COBL: variants seen among roughly 807,000 people sequenced by gnomAD.
The protein encoded by COBL is protein cordon-bleu.
In COBL, 51 loss-of-function variants were observed where a neutral mutation model predicts 98.8. The observed-to-expected ratio is 0.52, with a 90% confidence interval of 0.41 to 0.65. The LOEUF (loss-of-function observed/expected upper bound fraction) is 0.65, where lower values mean the gene tolerates loss of function less well. Among genes scored for constraint, COBL ranks in the 30% least tolerant of loss-of-function variants. The pLI is 0.00. For missense variants in COBL, 1,617 were observed against 1,617.5 expected (o/e 1.00, Z 0.01); for synonymous variants, 634 against 651.7 (o/e 0.97, Z 0.41).
chr7:51,149,014 G>A (rs1216335428), intron 5 of COBL, among the ~76,000 whole-genome samples: 2 of 152,298 alleles, frequency 1.3e-5, no homozygotes, highest in East Asian at 3.9e-4. Context: ...TTTCTGGGTG[G>A]TGTGGTTTTC....
intron 6 of COBL, among the ~76,000 whole-genome samples, chr7:51,093,646 C>T (rs1360715520): frequency 6.6e-6 from 1 of 152,212 alleles, no homozygotes; most frequent in Non-Finnish European, 1.5e-5. Flanking sequence ...AATCCTAGCA[C>T]TTTGGGAGGT....
At chr7:51,025,819 C>A (rs1300935605) in intron 11 of COBL, among the ~76,000 whole-genome samples, 1 of 152,206 alleles carries the variant, frequency 6.6e-6, no homozygotes, top group African/African-American at 2.4e-5. Flanking sequence ...GGACCTGAGA[C>A]AGTTCTTTTG....
At chr7:51,313,301 C>T (rs9649786) in intron 1 of COBL, among the ~76,000 whole-genome samples, 2,116 of 152,186 alleles carry the variant, frequency 0.014, 27 homozygotes, top group Non-Finnish European at 0.019. Context: ...CTGTGGCTGC[C>T]CCATGTCACT....
intron 1 of COBL, among the ~76,000 whole-genome samples, chr7:51,224,835 T>C (rs1794026249): frequency 6.6e-6 from 1 of 152,166 alleles, no homozygotes; most frequent in South Asian, 2.1e-4. Flanking sequence ...CATACCCGGC[T>C]AATTTGGTAT....
At chr7:51,280,892 G>A (rs1799765923) in intron 1 of COBL, among the ~76,000 whole-genome samples, 2 of 152,076 alleles carry the variant, frequency 1.3e-5, no homozygotes, top group African/African-American at 4.8e-5. Flanking sequence ...ATTTAAACAC[G>A]AACCCAACTA....
At chr7:51,270,320 A>G (rs778730388) in intron 1 of COBL, among the ~76,000 whole-genome samples, 13 of 152,196 alleles carry the variant, frequency 8.5e-5, no homozygotes, top group Non-Finnish European at 1.5e-4. Context: ...TTCAAGAAAG[A>G]TTTCAAAACA....
At chr7:51,293,014 A>C (rs2129189806) in intron 1 of COBL, among the ~76,000 whole-genome samples, 1 of 152,372 alleles carries the variant, frequency 6.6e-6, no homozygotes, top group Middle Eastern at 3.4e-3. Context: ...TAGATTTAAA[A>C]TTCAATAAAC....
At chr7:51,140,953 T>G (rs2329674) in intron 5 of COBL, among the ~76,000 whole-genome samples, 83,089 of 151,878 alleles carry the variant, frequency 0.55, 23,415 homozygotes, top group Middle Eastern at 0.68. Context: ...TTCTTGAAGA[T>G]ATCCTCACAG....
intron 6 of COBL, among the ~76,000 whole-genome samples, chr7:51,129,683 C>T (rs539261305): frequency 2.6e-5 from 4 of 151,940 alleles, no homozygotes; most frequent in African/African-American, 4.8e-5. Flanking sequence ...AGGTGGCCAG[C>T]GAGACTTCAT....
chr7:51,060,446 C>G (rs1202823793), intron 7 of COBL, among the ~76,000 whole-genome samples: 2 of 151,940 alleles, frequency 1.3e-5, no homozygotes, highest in African/African-American at 2.4e-5. Context: ...ACTGGTCTTA[C>G]CAAGTTCCCC....
chr7:51,083,309 GCACCAGATCCAGCCACACTCAA>G (rs936514811), intron 7 of COBL: 25 of 1,080,372 alleles, frequency 2.3e-5, no homozygotes, highest in South Asian at 5.0e-5. Flanking sequence ...ACCTCACTGG[GCACCAGATCCAGCCACACTCAA>G]CACCAGATCC....
At chr7:51,062,444 T>C in intron 7 of COBL, among the ~76,000 whole-genome samples, 1 of 152,132 alleles carries the variant, frequency 6.6e-6, no homozygotes, top group East Asian at 1.9e-4. Flanking sequence ...GTCAGAGCCA[T>C]GGTGTCCCGG....
chr7:51,227,805 G>C (rs1325591210), intron 1 of COBL, among the ~76,000 whole-genome samples: 4 of 152,238 alleles, frequency 2.6e-5, no homozygotes, highest in Middle Eastern at 6.8e-3. Context: ...TTCTAATAGA[G>C]GAGAAGAGCT....
chr7:51,079,555 G>T (rs1197117337), intron 7 of COBL, among the ~76,000 whole-genome samples: 1 of 152,240 alleles, frequency 6.6e-6, no homozygotes, highest in Non-Finnish European at 1.5e-5. Context: ...GCACATAACA[G>T]GTGTGTGTAA....
chr7:51,281,272 A>C (rs1342446994), intron 1 of COBL, among the ~76,000 whole-genome samples: 7 of 152,234 alleles, frequency 4.6e-5, no homozygotes, highest in Admixed American at 3.9e-4. Flanking sequence ...GAAGGACTGT[A>C]AAAATGAACA....
intron 7 of COBL, among the ~76,000 whole-genome samples, chr7:51,068,708 T>C (rs1583673217): frequency 6.6e-6 from 1 of 152,292 alleles, no homozygotes; most frequent in East Asian, 1.9e-4. Context: ...TCTTTGTACA[T>C]ATGCAGTTTT....
chr7:51,286,689 A>G (rs925339703), intron 1 of COBL, among the ~76,000 whole-genome samples: 2 of 152,192 alleles, frequency 1.3e-5, no homozygotes, highest in African/African-American at 4.8e-5. Flanking sequence ...CCACTGTGGA[A>G]AGTAGTTTAG....
chr7:51,256,633 C>A (rs1229232609), intron 1 of COBL, among the ~76,000 whole-genome samples: 1 of 152,222 alleles, frequency 6.6e-6, no homozygotes. Flanking sequence ...AGCACTCCTG[C>A]AAGCGTCACG....
intron 6 of COBL, among the ~76,000 whole-genome samples, chr7:51,102,054 T>A (rs546752859): frequency 3.9e-5 from 6 of 152,296 alleles, no homozygotes; most frequent in African/African-American, 1.4e-4. Flanking sequence ...AAAAGAGTTG[T>A]CAGAAAACCA....
Sources: allele counts gnomAD v4.1 joint callset (sites outside exome capture counted in the v4.1 genomes callset), GRCh38; gene constraint gnomAD v4.1.1; transcripts MANE v1.5; gene names NCBI Gene and HGNC (gene_info 2026-07-23, HGNC 2026-07-21).